The following EYS variants were observed in gnomAD, a reference collection of about 807,000 sequenced individuals.
EYS encodes the protein EGF-like photoreceptor maintenance factor.
In EYS, 250 loss-of-function variants were observed where a neutral mutation model predicts 282.1. That is an observed-to-expected ratio of 0.89 (90% CI 0.80 to 0.98). The LOEUF (loss-of-function observed/expected upper bound fraction) is 0.98, where lower values mean the gene tolerates loss of function less well. EYS is among the 50% of genes least tolerant of loss of function. The pLI, the probability that EYS is intolerant of heterozygous loss-of-function variation, is 0.00. For missense variants in EYS, 4,016 were observed against 3,709.0 expected (o/e 1.08, Z -2.15); for synonymous variants, 1,355 against 1,282.9 (o/e 1.06, Z -1.20).
At chr6:65,097,169 T>G (rs1774762308) in intron 12 of EYS, among the ~76,000 whole-genome samples, 1 of 151,002 alleles carries the variant, frequency 6.6e-6, no homozygotes, top group African/African-American at 2.4e-5. Flanking sequence ...ATAATCTGAT[T>G]TATAAATTGG....
chr6:65,202,553 A>G (rs534363865), intron 12 of EYS, among the ~76,000 whole-genome samples: 1 of 152,212 alleles, frequency 6.6e-6, no homozygotes, highest in South Asian at 2.1e-4. Flanking sequence ...TTTGGGATGT[A>G]TGAAGATGAC....
At chr6:64,422,226 G>T (rs528591016) in intron 28 of EYS, among the ~76,000 whole-genome samples, 2 of 151,984 alleles carry the variant, frequency 1.3e-5, no homozygotes, top group East Asian at 3.9e-4. Flanking sequence ...GCCCATTGAA[G>T]GGAAGACTTC....
intron 12 of EYS, among the ~76,000 whole-genome samples, chr6:65,232,997 G>T (rs2150269628): frequency 6.6e-6 from 1 of 152,118 alleles, no homozygotes; most frequent in African/African-American, 2.4e-5. Flanking sequence ...TTTCATTTCA[G>T]TTCATTAAAG....
chr6:64,936,592 T>A (rs917877133), intron 15 of EYS, among the ~76,000 whole-genome samples: 1 of 151,408 alleles, frequency 6.6e-6, no homozygotes, highest in South Asian at 2.1e-4. Flanking sequence ...GAAAAATACA[T>A]CATCAATATA....
chr6:63,990,255 A>G (rs1440526215), intron 34 of EYS, among the ~76,000 whole-genome samples: 1 of 151,738 alleles, frequency 6.6e-6, no homozygotes, highest in East Asian at 1.9e-4. Flanking sequence ...CTGTGGAGAC[A>G]CAGAAGCAAC....
chr6:65,244,154 T>C (rs1767121846), intron 12 of EYS, among the ~76,000 whole-genome samples: 2 of 152,226 alleles, frequency 1.3e-5, no homozygotes, highest in East Asian at 3.8e-4. Flanking sequence ...GGCTTGTTTT[T>C]GTCTTTTTAA....
At chr6:65,046,083 C>G (rs191631950) in intron 13 of EYS, among the ~76,000 whole-genome samples, 2 of 151,826 alleles carry the variant, frequency 1.3e-5, no homozygotes, top group African/African-American at 4.8e-5. Flanking sequence ...GGATTACATT[C>G]CCCTGGTTAT....
At position 64,994,735 on chromosome 6, in the gene EYS, T is replaced by C. The variant is rs138709583; in HGVS notation, c.2259+2847A>G. On this transcript the variant is annotated intron_variant, in intron 14 of 42. Coordinates refer to ENST00000503581, the MANE Select transcript of EYS (RefSeq NM_001142800.2). ...TCTAATCCAGGCTTTATTTTAAAAA[T>C]ATGAATTTTGGCTCTTTTTATATGA... 2.4e-3 allele frequency among the ~76,000 whole-genome samples: 372 copies of C among 152,288 alleles called. 2 individuals are homozygous for C. The highest frequency in any genetic ancestry group is 8.4e-3 in the African/African-American group (351 of 41,572).
At chr6:64,473,885 A>T (rs1776193135) in intron 26 of EYS, among the ~76,000 whole-genome samples, 1 of 152,192 alleles carries the variant, frequency 6.6e-6, no homozygotes, top group Admixed American at 6.5e-5. Context: ...GTGCTGGAAA[A>T]ATAAGACTAA....
chr6:64,521,988 G>A (rs913825842), intron 26 of EYS, among the ~76,000 whole-genome samples: 2 of 151,732 alleles, frequency 1.3e-5, no homozygotes, highest in Non-Finnish European at 3.0e-5. Context: ...GTCCATGAAT[G>A]AATAAACATA....
intron 2 of EYS, among the ~76,000 whole-genome samples, chr6:65,500,621 T>C (rs1440292962): frequency 2.0e-5 from 3 of 152,132 alleles, no homozygotes; most frequent in East Asian, 3.9e-4. Context: ...ATTTACTACA[T>C]CAACTTCTTC....
At chr6:64,765,655 C>A (rs936652548) in intron 22 of EYS, among the ~76,000 whole-genome samples, 16 of 152,142 alleles carry the variant, frequency 1.1e-4, no homozygotes, top group African/African-American at 3.9e-4. Flanking sequence ...TACAACTATG[C>A]TACAAGGCAA....
At chr6:64,932,156 C>T (rs1768747933) in intron 15 of EYS, among the ~76,000 whole-genome samples, 1 of 152,056 alleles carries the variant, frequency 6.6e-6, no homozygotes, top group East Asian at 1.9e-4. Flanking sequence ...ATCCCTCTCT[C>T]CCCAGCTCTT....
intron 5 of EYS, among the ~76,000 whole-genome samples, chr6:65,418,499 A>T (rs1379242377): frequency 6.6e-6 from 1 of 152,110 alleles, no homozygotes; most frequent in Non-Finnish European, 1.5e-5. Flanking sequence ...AGGCTGGATA[A>T]AGAAAATGTG....
At chr6:65,662,870 T>G (rs1393982942) in intron 1 of EYS, among the ~76,000 whole-genome samples, 1 of 152,176 alleles carries the variant, frequency 6.6e-6, no homozygotes, top group Non-Finnish European at 1.5e-5. Context: ...TTAGATAAAC[T>G]TAACAAAATT....
At chr6:64,337,086 C>T (rs1770880611) in intron 29 of EYS, among the ~76,000 whole-genome samples, 1 of 151,930 alleles carries the variant, frequency 6.6e-6, no homozygotes, top group African/African-American at 2.4e-5. Flanking sequence ...CAAGAACAAA[C>T]CAAATCCAAA....
chr6:65,110,904 A>G (rs965614599), intron 12 of EYS, among the ~76,000 whole-genome samples: 1 of 152,094 alleles, frequency 6.6e-6, no homozygotes, highest in African/African-American at 2.4e-5. Flanking sequence ...AGCATAGAGA[A>G]CAAATTTGGA....
intron 28 of EYS, among the ~76,000 whole-genome samples, chr6:64,420,303 C>A (rs1774190244): frequency 6.6e-6 from 1 of 152,098 alleles, no homozygotes; most frequent in African/African-American, 2.4e-5. Flanking sequence ...GGAGCCTGGG[C>A]CTGGCCTATG....
intron 36 of EYS, among the ~76,000 whole-genome samples, chr6:63,843,255 C>A (rs1772011422): frequency 6.6e-6 from 1 of 152,198 alleles, no homozygotes; most frequent in African/African-American, 2.4e-5. Flanking sequence ...GAACGTTTTT[C>A]CTTTTGTTTG....
Sources: allele counts gnomAD v4.1 joint callset (sites outside exome capture counted in the v4.1 genomes callset), GRCh38; gene constraint gnomAD v4.1.1; transcripts MANE v1.5; gene names NCBI Gene and HGNC (gene_info 2026-07-23, HGNC 2026-07-21).